The following ACOT9 variants were observed in gnomAD, a reference collection of about 807,000 sequenced individuals.
The protein encoded by ACOT9 is acyl-coenzyme A thioesterase 9, mitochondrial.
A neutral mutation model predicts 39.7 loss-of-function variants in ACOT9; 34 were observed. That is an observed-to-expected ratio of 0.86 (90% CI 0.65 to 1.14). The LOEUF (loss-of-function observed/expected upper bound fraction) is 1.14, where lower values mean the gene tolerates loss of function less well. ACOT9 is among the 50% of genes most tolerant of loss of function. The probability of loss-of-function intolerance (pLI) is 0.00; values close to 1 mark genes in which losing one functional copy is unlikely to be tolerated. For missense variants in ACOT9, 313 were observed against 344.1 expected, an observed-to-expected ratio of 0.91 and a Z score of 0.71; for synonymous variants, 110 against 120.5, an observed-to-expected ratio of 0.91 and a Z score of 0.57.
chrX:23,717,501 C>T (rs995601655), intron 8 of ACOT9, among the ~76,000 whole-genome samples: 10 of 111,464 alleles, frequency 9.0e-5, no homozygotes, highest in African/African-American at 2.9e-4. Context: ...TTGAATAAAA[C>T]ACAGGGCCAA....
intron 1 of ACOT9, among the ~76,000 whole-genome samples, chrX:23,741,259 A>C (rs972122218): frequency 8.2e-5 from 9 of 109,772 alleles, no homozygotes; most frequent in Non-Finnish European, 1.7e-4. Context: ...ATAATGAGGC[A>C]GTTCCTCCAA....
At chrX:23,709,287 G>C (rs1928814050) in intron 9 of ACOT9, among the ~76,000 whole-genome samples, 2 of 111,746 alleles carry the variant, frequency 1.8e-5, no homozygotes, top group African/African-American at 6.5e-5. Context: ...CAGCTACTCA[G>C]GAGGCTGAGG....
At chrX:23,711,117 G>A (rs182918354) in intron 9 of ACOT9, among the ~76,000 whole-genome samples, 54 of 110,979 alleles carry the variant, frequency 4.9e-4, no homozygotes, top group Admixed American at 3.8e-3. Flanking sequence ...TCAGGAGATC[G>A]AGGCCAGCCT....
At chrX:23,725,470 C>CAAAA (rs34682904) in intron 6 of ACOT9, among the ~76,000 whole-genome samples, 86 of 48,904 alleles carry the variant, frequency 1.8e-3, no homozygotes, top group East Asian at 5.8e-3. Context: ...GACTCTGTCT[C>CAAAA]AAAAAAAAAA....
intron 6 of ACOT9, among the ~76,000 whole-genome samples, chrX:23,728,971 A>T (rs73209284): frequency 0.16 from 18,079 of 111,060 alleles, 1,380 homozygotes; most frequent in Non-Finnish European, 0.23. Context: ...GATGATAGTA[A>T]CATATTATAG....
At chrX:23,740,858 G>C (rs1930120110) in intron 1 of ACOT9, among the ~76,000 whole-genome samples, 1 of 109,772 alleles carries the variant, frequency 9.1e-6, no homozygotes, top group South Asian at 4.0e-4. Flanking sequence ...TAAGCCCTCA[G>C]GAGTCTTACT....
rs181080712 is a variant in ACOT9, at chrX:23,713,010, G to A, written c.662+125C>T. 4.7e-4 allele frequency: 245 copies of A among 523,247 alleles called. No homozygotes were observed. In the African/African-American group the frequency reaches 5.1e-3, roughly 11 times the overall value. 43.1% of individuals were successfully genotyped at this position (523,247 alleles called of 1,213,427 possible). ...TTTGCCTTAAAATAAAAATGGCCAA[G>A]AAATTGCAATTAAAACTGTTACGTC... is the stretch of plus-strand genomic sequence containing the variant. On this transcript the variant is annotated intron_variant, in intron 9 of 15. Coordinates refer to ENST00000379303, the MANE Select transcript of ACOT9 (RefSeq NM_001037171.2).
chrX:23,716,755 C>T (rs781421095), intron 8 of ACOT9, among the ~76,000 whole-genome samples: 44 of 111,324 alleles, frequency 4.0e-4, no homozygotes, highest in African/African-American at 1.3e-3. Context: ...GGCGCAATCT[C>T]GGCTCACTGT....
intron 8 of ACOT9, among the ~76,000 whole-genome samples, chrX:23,716,916 G>A (rs750133836): frequency 1.8e-5 from 2 of 110,430 alleles, no homozygotes; most frequent in Non-Finnish European, 3.8e-5. Context: ...GTGCAGTGGC[G>A]CTATCTCGGC....
At chrX:23,734,256 C>A in intron 3 of ACOT9, 85 bp downstream of exon 3, 2 of 810,340 alleles carry the variant, frequency 2.5e-6, no homozygotes, top group East Asian at 3.4e-5. Flanking sequence ...TTAGTTAATG[C>A]CACTGCCCAA....
intron 8 of ACOT9, among the ~76,000 whole-genome samples, chrX:23,715,238 C>A (rs1394218971): frequency 8.9e-6 from 1 of 111,848 alleles, no homozygotes; most frequent in African/African-American, 3.2e-5. Flanking sequence ...GTGCTCATAC[C>A]TGCACCTTTT....
chrX:23,742,080 T>C (rs1920971259), intron 1 of ACOT9, among the ~76,000 whole-genome samples: 1 of 110,980 alleles, frequency 9.0e-6, no homozygotes, highest in South Asian at 3.8e-4. Flanking sequence ...TAAAGTCAAC[T>C]GTGGCCCCTC....
Position 23,733,275 on chromosome X carries a change from T to C in ACOT9, c.146-58A>G, listed in dbSNP as rs182523759. ...ACAAAGAAATATGAGAAACGGATTA[T>C]GGCAATGAGCTCAAGAACTACAAAA... On this transcript the variant is annotated intron_variant, in intron 3 of 15. Coordinates refer to ENST00000379303, the MANE Select transcript of ACOT9 (RefSeq NM_001037171.2). 645 of 1,036,809 alleles carry C rather than the reference T, an allele frequency of 6.2e-4. 4 individuals are homozygous for C. In the African/African-American group the frequency reaches 9.6e-3, roughly 15 times the overall value. The allele number at this position is 1,036,809 out of a possible 1,213,427, so 85.4% of individuals were successfully genotyped here.
chrX:23,743,269 C>G lies in ACOT9; in HGVS notation c.-125G>C, dbSNP rs5925605. The G allele has an allele frequency of 0.32, 286,456 of 897,855 alleles. 35,066 individuals are homozygous for G. The highest frequency in any genetic ancestry group is 0.65 in the African/African-American group (31,890 of 49,334). The allele number at this position is 897,855 out of a possible 1,213,427, so 74.0% of individuals were successfully genotyped here. ...CCCTTGCTGAGGACAGCCCGGGAGC[C>G]GGACAGCGGTGTCCGGGGGCGGGAC... On this transcript the variant is annotated 5_prime_UTR_variant, in exon 1 of 16. Coordinates refer to ENST00000379303, the MANE Select transcript of ACOT9 (RefSeq NM_001037171.2).
At chrX:23,710,671 T>A (rs1232718050) in intron 9 of ACOT9, among the ~76,000 whole-genome samples, 1 of 111,307 alleles carries the variant, frequency 9.0e-6, no homozygotes, top group Non-Finnish European at 1.9e-5. Context: ...TTGGCCAACA[T>A]GGCAAAACCC....
intron 7 of ACOT9, 29 bp downstream of exon 7, chrX:23,722,641 A>G: frequency 4.2e-6 from 4 of 949,756 alleles, no homozygotes. Flanking sequence ...TAAGAATTCT[A>G]AGTATGCATA....
intron 6 of ACOT9, among the ~76,000 whole-genome samples, chrX:23,725,737 G>C (rs1347097626): frequency 1.8e-5 from 2 of 108,928 alleles, no homozygotes; most frequent in Non-Finnish European, 3.8e-5. Context: ...AGGACTGCTT[G>C]AGCCAGGAGG....
chrX:23,712,052 A>G (rs1272115021), intron 9 of ACOT9, among the ~76,000 whole-genome samples: 2 of 111,628 alleles, frequency 1.8e-5, no homozygotes, highest in African/African-American at 3.3e-5. Flanking sequence ...CAACGAGTGA[A>G]TAAGAAACAA....
At chrX:23,732,280 T>C (rs1397963299) in intron 4 of ACOT9, among the ~76,000 whole-genome samples, 1 of 112,725 alleles carries the variant, frequency 8.9e-6, no homozygotes, top group Non-Finnish European at 1.9e-5. Flanking sequence ...AATGTGACTA[T>C]GGATGAGTAA....
Sources: gnomAD v4.1 joint callset for allele counts (sites outside exome capture counted in the v4.1 genomes callset) on GRCh38, gnomAD v4.1.1 for gene constraint, MANE v1.5 for transcripts, NCBI Gene and HGNC (gene_info 2026-07-23, HGNC 2026-07-21) for gene names.